The following DDX60 variants were observed in gnomAD, a reference collection of about 807,000 sequenced individuals.
DDX60 encodes the protein DExD/H-box helicase 60, also known as probable ATP-dependent RNA helicase DDX60.
In DDX60, 165 loss-of-function variants were observed where a neutral mutation model predicts 212.8. That is an observed-to-expected ratio of 0.78 (90% CI 0.68 to 0.88). DDX60 has a LOEUF of 0.88. DDX60 is among the 40% of genes least tolerant of loss of function. The pLI is 0.00. For synonymous variants in DDX60, 703 were observed against 685.3 expected (o/e 1.03, Z -0.40); for missense variants, 1,905 against 2,003.9 (o/e 0.95, Z 0.94).
At chr4:168,248,109 A>G in intron 29 of DDX60, 79 bp downstream of exon 29, 1 of 903,810 alleles carries the variant, frequency 1.1e-6, no homozygotes, top group Non-Finnish European at 1.7e-6. Context: ...CATGTTTGTA[A>G]ACTAAAGGTT....
intron 25 of DDX60, among the ~76,000 whole-genome samples, chr4:168,259,872 A>T (rs570974419): frequency 1.3e-5 from 2 of 152,144 alleles, no homozygotes; most frequent in South Asian, 4.1e-4. Flanking sequence ...GTCAATAAGT[A>T]GTATATTGTG....
chr4:168,249,481 T>C (rs1277170969), intron 28 of DDX60, among the ~76,000 whole-genome samples: 2 of 151,700 alleles, frequency 1.3e-5, no homozygotes, highest in Non-Finnish European at 2.9e-5. Context: ...TCAAGTTTTT[T>C]GATAAGAACA....
At chr4:168,289,816 A>G (rs1431954336) in intron 8 of DDX60, among the ~76,000 whole-genome samples, 1 of 151,992 alleles carries the variant, frequency 6.6e-6, no homozygotes, top group Non-Finnish European at 1.5e-5. Flanking sequence ...GTCATTCTTC[A>G]CCTTAAATAA....
intron 6 of DDX60, among the ~76,000 whole-genome samples, chr4:168,297,998 G>A (rs555364726): frequency 6.6e-6 from 1 of 151,592 alleles, no homozygotes; most frequent in Non-Finnish European, 1.5e-5. Context: ...CAATAAATGA[G>A]TGCTAATGGA....
rs757367898 is a variant in DDX60, at chr4:168,262,738, C to G, written c.3089G>C (p.Ser1030Thr). 1.9e-6 allele frequency: 3 copies of G among 1,612,564 alleles called. No homozygotes were observed. In the South Asian group the frequency reaches 3.3e-5, roughly 18 times the overall value. ...AAACATGGCATCATACAGCTGGATG[C>G]TTTCTCGAGGTGAAAGGGTAAGATC... is the stretch of plus-strand genomic sequence containing the variant. ...PPDLTLSPRE[S>T]IQLYDAMFQI... The change falls in exon 23 of 38, where the codon AGC becomes ACC. Residue 1030 changes from serine to threonine, a missense_variant. Physicochemically the swap from Ser to Thr is moderately conservative, Grantham distance 58 (BLOSUM62 1). Coordinates refer to ENST00000393743, the MANE Select transcript of DDX60 (RefSeq NM_017631.6).
rs745819812 is a variant in DDX60 at position 168,306,361 on chromosome 4, C to T, written c.606+18G>A. The T allele has an allele frequency of 5.8e-6, 9 of 1,560,058 alleles. No homozygotes were observed. Among genetic ancestry groups the T allele is most frequent in the African/African-American group, 1.4e-5 (1 of 72,628 alleles). On this transcript the variant is annotated intron_variant, in intron 5 of 37. Coordinates refer to ENST00000393743, the MANE Select transcript of DDX60 (RefSeq NM_017631.6). Reference sequence around the variant, plus strand: ...TTTGAAAATTTCTAGAAGAAATTGTCTTTTGGATGTGAATTACCTTCCAGG... The same window carrying T: ...TTTGAAAATTTCTAGAAGAAATTGTTTTTTGGATGTGAATTACCTTCCAGG...
intron 19 of DDX60, among the ~76,000 whole-genome samples, chr4:168,269,323 G>A (rs894884073): frequency 1.3e-5 from 2 of 152,140 alleles, no homozygotes; most frequent in Non-Finnish European, 2.9e-5. Context: ...TGTTGGCCGG[G>A]CACGGTGGCT....
intron 3 of DDX60, among the ~76,000 whole-genome samples, chr4:168,310,330 C>T (rs1737075048): frequency 6.6e-6 from 1 of 152,112 alleles, no homozygotes; most frequent in Admixed American, 6.5e-5. Flanking sequence ...CCCTGATAGA[C>T]AGAACATCAT....
chr4:168,221,741 G>C lies in DDX60; in HGVS notation c.4965C>G (p.Val1655=), dbSNP rs17053806. 8.1e-6 allele frequency: 13 copies of C among 1,611,982 alleles called. No homozygotes were observed. The highest frequency in any genetic ancestry group is 1.1e-5 in the Non-Finnish European group (13 of 1,178,714). Residue 1655 remains valine (V), a synonymous_variant, in exon 36 of 38, where the codon GTC becomes GTG. Transcript: ENST00000393743. ...CAGAGAGGACATACCTGTTATCCTGGACTAATCCTATCAAGGAACCATGTT... is the reference window on the plus strand; with the variant it reads ...CAGAGAGGACATACCTGTTATCCTGCACTAATCCTATCAAGGAACCATGTT... ...FYKHGSLIGL[V]QDNRMNEGDA...
chr4:168,294,172 C>T (rs1286109623), intron 6 of DDX60, among the ~76,000 whole-genome samples: 1 of 151,988 alleles, frequency 6.6e-6, no homozygotes, highest in East Asian at 1.9e-4. Context: ...GAAAGGAAAC[C>T]TGTGTACATA....
In DDX60 at chr4:168,250,837, T is replaced by C. The variant is rs1235670387; in HGVS notation, c.3858+117A>G. The C allele has an allele frequency of 3.3e-6, 3 of 899,136 alleles. No individual in the cohort carries two copies. The African/African-American group carries it at 5.2e-5, about 15-fold the overall frequency. The allele number at this position is 899,136 out of a possible 1,614,324, so 55.7% of individuals were successfully genotyped here. On this transcript the variant is annotated intron_variant, in intron 28 of 37. Coordinates refer to ENST00000393743, the MANE Select transcript of DDX60 (RefSeq NM_017631.6). Reference sequence around the variant, plus strand: ...ATCACGCCCGGCCAACTTATTTTTTTAAAAGACAATTACATGAGAAAAAAA... The same window carrying C: ...ATCACGCCCGGCCAACTTATTTTTTCAAAAGACAATTACATGAGAAAAAAA...
rs979241258 is a variant in DDX60, at chr4:168,216,660, A to C, written c.*273T>G. 11 of 237,008 alleles carry C rather than the reference A, an allele frequency of 4.6e-5. No individual in the cohort carries two copies. Among genetic ancestry groups the C allele is most frequent in the African/African-American group, 2.2e-4 (10 of 44,472 alleles). The allele number at this position is 237,008 out of a possible 1,614,324, so 14.7% of individuals were successfully genotyped here. On this transcript the variant is annotated 3_prime_UTR_variant, in exon 38 of 38. Coordinates refer to ENST00000393743, the MANE Select transcript of DDX60 (RefSeq NM_017631.6). ...ACAACATTCTCGCATTTTTTTAGTC[A>C]ATCCTCAAACTACCTGAGATGTAAC...
intron 14 of DDX60, 137 bp downstream of exon 14, chr4:168,280,198 T>A (rs748137580): frequency 2.6e-6 from 3 of 1,151,698 alleles, no homozygotes; most frequent in Non-Finnish European, 3.7e-6. Flanking sequence ...GAAACTATTG[T>A]AAAGGTAATA....
intron 37 of DDX60, 67 bp downstream of exon 37, chr4:168,220,588 C>T: frequency 1.0e-6 from 1 of 958,420 alleles, no homozygotes; most frequent in Non-Finnish European, 1.5e-6. Context: ...AGTAACAGCT[C>T]AACATTTTTC....
In DDX60 at chr4:168,238,550, G is replaced by A. The variant is rs527680919; in HGVS notation, c.4165-755C>T. ...AGAGAAAGGAAGAAAGAGTGGAAGC[G>A]TAGAAGAAGGGAGTGCACTTTCCAT... On this transcript the variant is annotated intron_variant, in intron 30 of 37. Transcript: ENST00000393743. Among the ~76,000 whole-genome samples, 59 of 151,830 alleles carry A rather than the reference G, an allele frequency of 3.9e-4. 2 individuals carry two copies. The highest frequency in any genetic ancestry group is 1.9e-3 in the Admixed American group (29 of 15,236).
At chr4:168,317,806 C>G (rs1038453952) in intron 1 of DDX60, among the ~76,000 whole-genome samples, 38 of 152,338 alleles carry the variant, frequency 2.5e-4, no homozygotes, top group Non-Finnish European at 1.5e-5. Flanking sequence ...GAGAAGGCCA[C>G]TGTAGCTAAG....
At chr4:168,217,249 C>T (rs1732880623) in intron 37 of DDX60, among the ~76,000 whole-genome samples, 1 of 152,132 alleles carries the variant, frequency 6.6e-6, no homozygotes, top group South Asian at 2.1e-4. Flanking sequence ...AATTCTTCTC[C>T]ATGACTATTA....
chr4:168,304,862 CAA>C (rs1385518550), intron 5 of DDX60, among the ~76,000 whole-genome samples: 3 of 151,978 alleles, frequency 2.0e-5, no homozygotes, highest in Admixed American at 6.6e-5. Flanking sequence ...TTAATGTAGC[CAA>C]AGTGAATACT....
intron 22 of DDX60, among the ~76,000 whole-genome samples, chr4:168,266,853 T>C (rs1454528085): frequency 5.9e-5 from 9 of 152,208 alleles, no homozygotes; most frequent in African/African-American, 2.2e-4. Flanking sequence ...TTTTGTGCTC[T>C]AAAAATTTTA....
Sources: allele counts gnomAD v4.1 joint callset (sites outside exome capture counted in the v4.1 genomes callset), GRCh38; gene constraint gnomAD v4.1.1; transcripts MANE v1.5; gene names NCBI Gene and HGNC (gene_info 2026-07-23, HGNC 2026-07-21).